Variants in CDYL2 observed in about 807,000 individuals in gnomAD.
The protein encoded by CDYL2 is chromodomain Y like 2, also known as chromodomain Y-like protein 2.
Under a neutral mutation model 49.4 loss-of-function variants are expected in CDYL2, and 23 were observed. That is an observed-to-expected ratio of 0.47 (90% CI 0.34 to 0.66). The LOEUF is 0.66. Ranked by LOEUF, CDYL2 falls within the 30% of genes least tolerant of loss-of-function variation. The pLI is 0.01. For missense variants in CDYL2, 678 were observed against 656.4 expected (o/e 1.03, Z -0.36); for synonymous variants, 360 against 268.8 (o/e 1.34, Z -3.32).
chr16:80,799,881 T>C (rs531844240), intron 1 of CDYL2, among the ~76,000 whole-genome samples: 3 of 152,348 alleles, frequency 2.0e-5, no homozygotes, highest in South Asian at 2.1e-4. Flanking sequence ...TCTCTGAAGA[T>C]AGCTGCCTCT....
intron 2 of CDYL2, among the ~76,000 whole-genome samples, chr16:80,678,744 T>C (rs1400006599): frequency 3.5e-4 from 53 of 150,146 alleles, no homozygotes; most frequent in African/African-American, 4.7e-4. Flanking sequence ...CCATTTGACC[T>C]AGCCATCCCA....
At chr16:80,643,343 G>A (rs1311329075) in intron 2 of CDYL2, among the ~76,000 whole-genome samples, 1 of 152,230 alleles carries the variant, frequency 6.6e-6, no homozygotes, top group Non-Finnish European at 1.5e-5. Context: ...TCTCCTGGCT[G>A]CTTTCATGGG....
At chr16:80,626,275 T>TAAC (rs1331719695) in intron 3 of CDYL2, among the ~76,000 whole-genome samples, 18 of 92,298 alleles carry the variant, frequency 2.0e-4, no homozygotes, top group African/African-American at 7.2e-4. Context: ...AAATCCCATC[T>TAAC]AAAAAAAAAA....
intron 2 of CDYL2, among the ~76,000 whole-genome samples, chr16:80,642,836 T>A (rs908213008): frequency 1.3e-5 from 2 of 152,108 alleles, no homozygotes; most frequent in Non-Finnish European, 2.9e-5. Context: ...CCTCCCACAA[T>A]TATGGGAATT....
intron 1 of CDYL2, among the ~76,000 whole-genome samples, chr16:80,751,112 A>C (rs1446890941): frequency 6.6e-6 from 1 of 152,158 alleles, no homozygotes; most frequent in Non-Finnish European, 1.5e-5. Flanking sequence ...CTATCAATCT[A>C]TTTTGTGGCT....
chr16:80,776,586 T>C (rs377053074), intron 1 of CDYL2, among the ~76,000 whole-genome samples: 2 of 150,158 alleles, frequency 1.3e-5, no homozygotes, highest in South Asian at 2.1e-4. Context: ...ACTGTAATTT[T>C]TGTATCTGTA....
chr16:80,700,847 T>C (rs927587679), intron 1 of CDYL2, among the ~76,000 whole-genome samples: 14 of 152,236 alleles, frequency 9.2e-5, no homozygotes, highest in African/African-American at 3.4e-4. Flanking sequence ...ACAGAAGAAA[T>C]GTATCACCTC....
intron 1 of CDYL2, among the ~76,000 whole-genome samples, chr16:80,771,478 C>T (rs1345683136): frequency 2.0e-5 from 3 of 152,300 alleles, no homozygotes; most frequent in South Asian, 4.1e-4. Flanking sequence ...CCGAGGTAGG[C>T]GGATCACTTG....
chr16:80,630,169 G>C (rs1597134540), intron 3 of CDYL2, among the ~76,000 whole-genome samples: 1 of 152,156 alleles, frequency 6.6e-6, no homozygotes, highest in African/African-American at 2.4e-5. Context: ...ATCCCCTTCA[G>C]TTGTTGAGAC....
In CDYL2 at chr16:80,804,244, G is replaced by C; in HGVS notation, c.-71C>G. ...CGCGCCCTCCGTGCGTGTGCGCGCG[G>C]GGTCCGGTGTGCGCGTGTGTGTGCG... On this transcript the variant is annotated 5_prime_UTR_variant, in exon 1 of 7. Transcript: ENST00000570137. 7.7e-7 allele frequency: 1 copy of C among 1,301,034 alleles called. No homozygotes were observed. The highest frequency in any genetic ancestry group is 1.0e-6 in the Non-Finnish European group (1 of 991,374). 80.6% of individuals were successfully genotyped at this position (1,301,034 alleles called of 1,614,324 possible). A position where few individuals can be genotyped will look rare whatever the true frequency, so the allele number is the denominator to read the frequency against.
intron 2 of CDYL2, among the ~76,000 whole-genome samples, chr16:80,683,314 C>T (rs1466192527): frequency 6.6e-6 from 1 of 152,212 alleles, no homozygotes; most frequent in Non-Finnish European, 1.5e-5. Context: ...CAGGTAGACA[C>T]ACAGGTGTCT....
Position 80,696,440 on chromosome 16 carries a change from T to A in CDYL2, c.25-11311A>T, listed in dbSNP as rs76411733. 4.3e-3 allele frequency among the ~76,000 whole-genome samples: 649 copies of A among 152,024 alleles called. 2 individuals carry two copies. Among genetic ancestry groups the A allele is most frequent in the African/African-American group, 0.015 (605 of 41,496 alleles). On this transcript the variant is annotated intron_variant, in intron 1 of 6. Transcript: ENST00000570137. ...AAAAGGTCAACAATACAGTTTTTTTTAAATATAAAATCAACAAACCATTAG... is the reference window on the plus strand; with the variant it reads ...AAAAGGTCAACAATACAGTTTTTTTAAAATATAAAATCAACAAACCATTAG...
intron 4 of CDYL2, among the ~76,000 whole-genome samples, chr16:80,620,312 G>A (rs1907021799): frequency 6.6e-6 from 1 of 152,156 alleles, no homozygotes; most frequent in South Asian, 2.1e-4. Flanking sequence ...AGCTGCCCAG[G>A]GAACCCCTCC....
At chr16:80,677,626 C>G (rs531660599) in intron 2 of CDYL2, among the ~76,000 whole-genome samples, 46 of 152,148 alleles carry the variant, frequency 3.0e-4, no homozygotes, top group African/African-American at 1.1e-3. Flanking sequence ...GTAGTCCCAG[C>G]TACTCGGGAG....
intron 3 of CDYL2, among the ~76,000 whole-genome samples, chr16:80,622,335 C>G (rs369284333): frequency 6.6e-6 from 1 of 152,226 alleles, no homozygotes; most frequent in African/African-American, 2.4e-5. Context: ...ACATGCCAAT[C>G]TCCCCACCCC....
chr16:80,787,194 T>C (rs1229959581), intron 1 of CDYL2, among the ~76,000 whole-genome samples: 4 of 152,158 alleles, frequency 2.6e-5, no homozygotes, highest in Non-Finnish European at 2.9e-5. Context: ...TAAGAGACTA[T>C]TGTTTCTTCC....
chr16:80,718,852 G>A (rs1400925367), intron 1 of CDYL2, among the ~76,000 whole-genome samples: 1 of 152,196 alleles, frequency 6.6e-6, no homozygotes, highest in Non-Finnish European at 1.5e-5. Flanking sequence ...GAGCAGGGGA[G>A]CGCCTGGGGT....
chr16:80,715,464 T>C (rs964049538), intron 1 of CDYL2, among the ~76,000 whole-genome samples: 4 of 152,176 alleles, frequency 2.6e-5, no homozygotes, highest in Non-Finnish European at 5.9e-5. Flanking sequence ...TTTTACCTCC[T>C]GAATGTCTTT....
At chr16:80,651,961 A>G (rs1908602377) in intron 2 of CDYL2, among the ~76,000 whole-genome samples, 1 of 152,224 alleles carries the variant, frequency 6.6e-6, no homozygotes, top group Non-Finnish European at 1.5e-5. Flanking sequence ...CTAGAATGTG[A>G]CCACGGGTTA....
Sources: gnomAD v4.1 joint callset for allele counts (sites outside exome capture counted in the v4.1 genomes callset) on GRCh38, gnomAD v4.1.1 for gene constraint, MANE v1.5 for transcripts, NCBI Gene and HGNC (gene_info 2026-07-23, HGNC 2026-07-21) for gene names.